The following PACRGL variants were observed in gnomAD, a reference collection of about 807,000 sequenced individuals.
PACRGL encodes the protein parkin coregulated like, also known as PACRG-like protein.
A neutral mutation model predicts 34.5 loss-of-function variants in PACRGL; 38 were observed. That is an observed-to-expected ratio of 1.10 (90% CI 0.85 to 1.44). PACRGL has a LOEUF of 1.44. Among genes scored for constraint, PACRGL ranks in the 40% most tolerant of loss-of-function variants. PACRGL has a pLI of 0.00. For synonymous variants in PACRGL, 128 were observed against 100.1 expected (o/e 1.28, Z -1.66); for missense variants, 305 against 281.4 (o/e 1.08, Z -0.60).
intron 4 of PACRGL, among the ~76,000 whole-genome samples, chr4:20,708,394 G>C (rs1472803008): frequency 1.3e-5 from 2 of 151,582 alleles, no homozygotes; most frequent in African/African-American, 2.4e-5. Flanking sequence ...TCCAGTTTTA[G>C]CCTGTTGTAG....
chr4:20,732,418 G>T lies in PACRGL; in HGVS notation c.*5077G>T, dbSNP rs151111040. Among the ~76,000 whole-genome samples, 354 of 152,282 alleles carry T rather than the reference G, an allele frequency of 2.3e-3. 8 individuals are homozygous for T. The South Asian group carries it at 0.046, about 20-fold the overall frequency. ...ATTAATGAGGATTTATAGGATTCTT[G>T]TAAAAACTGAATGAAAACAAAACTT... On this transcript the variant is annotated 3_prime_UTR_variant, in exon 9 of 9. Transcript: ENST00000503585.
downstream of PACRGL, among the ~76,000 whole-genome samples, chr4:20,736,787 GA>G (rs1432156159): frequency 3.9e-5 from 6 of 152,070 alleles, no homozygotes; most frequent in Non-Finnish European, 5.9e-5. Context: ...TAGCAAAAAT[GA>G]AAAAGACAAA....
At chr4:20,722,227 G>A (rs1489590044) in intron 7 of PACRGL, among the ~76,000 whole-genome samples, 1 of 152,238 alleles carries the variant, frequency 6.6e-6, no homozygotes, top group Non-Finnish European at 1.5e-5. Flanking sequence ...ATCTGTCACA[G>A]CTTTGCTTGG....
At chr4:20,749,598 A>G (rs1255352128) in intron 8 of PACRGL, 1 of 1,158,240 alleles carries the variant, frequency 8.6e-7, no homozygotes, top group African/African-American at 1.5e-5. Context: ...CCAAACTCAC[A>G]TTTTCCCCCT....
chr4:20,709,563 G>C, intron 4 of PACRGL, 120 bp from the exon 5 acceptor site: 1 of 604,178 alleles, frequency 1.7e-6, no homozygotes, highest in East Asian at 2.9e-5. Context: ...ATCTTATAAA[G>C]TTATGGTATT....
intron 7 of PACRGL, chr4:20,716,386 A>AACGTGCACAGTTGTAC: frequency 1.7e-6 from 1 of 576,034 alleles, no homozygotes; most frequent in Non-Finnish European, 3.0e-6. Context: ...TCTAGGGTAC[A>AACGTGCACAGTTGTAC]TGTGCACAAC....
downstream of PACRGL, among the ~76,000 whole-genome samples, chr4:20,736,460 G>C (rs1749651517): frequency 6.6e-6 from 1 of 152,024 alleles, no homozygotes. Context: ...ATTTCTGTAT[G>C]ATAATTTTAT....
At position 20,731,965 on chromosome 4, in the gene PACRGL, A is replaced by T. The variant is rs1748377291; in HGVS notation, c.*4624A>T. ...GCTGCTAATACTCAGTTTAGCTGTT[A>T]TGATAGCTGAATTGATAGTTATTAC... On this transcript the variant is annotated 3_prime_UTR_variant, in exon 9 of 9. Transcript: ENST00000503585. 6.2e-7 allele frequency: 1 copy of T among 1,610,682 alleles called. No individual in the cohort carries two copies. The highest frequency in any genetic ancestry group is 1.3e-5 in the African/African-American group (1 of 74,910).
chr4:20,718,495 G>T (rs553507302), intron 7 of PACRGL, among the ~76,000 whole-genome samples: 1 of 152,090 alleles, frequency 6.6e-6, no homozygotes, highest in Non-Finnish European at 1.5e-5. Flanking sequence ...ATTATTTTGA[G>T]ATACGTCCCA....
intron 8 of PACRGL, among the ~76,000 whole-genome samples, chr4:20,739,260 C>G (rs1297360153): frequency 1.3e-5 from 2 of 152,220 alleles, no homozygotes; most frequent in Non-Finnish European, 2.9e-5. Context: ...AGTTTGAGAT[C>G]TGAGAACAGA....
rs536942658 is a variant in PACRGL at position 20,746,937 on chromosome 4, A to G, written c.*57-5628A>G. 4.6e-5 allele frequency among the ~76,000 whole-genome samples: 7 copies of G among 152,244 alleles called. No homozygotes were observed. The South Asian group carries it at 8.3e-4, about 18-fold the overall frequency. ...ATGTGTTCATTCCCTAACCATTTCT[A>G]TTTTCTAGAGATTTCCCAGGTAGCT... On this transcript the variant is annotated intron_variant, in intron 8 of 8. Transcript: ENST00000507634.
Position 20,716,220 on chromosome 4 carries a change from AC to A in PACRGL, c.609+2682del, listed in dbSNP as rs1395258116. On this transcript the variant is annotated intron_variant, in intron 7 of 8. Coordinates refer to ENST00000503585, the MANE Select transcript of PACRGL (RefSeq NM_001258345.3). ...TGGCTGTTATGGTTTCTTACAACAC[AC>A]AAAAAATAAAGATTAAAATCAGCAA... 7 of 876,488 alleles carry A rather than the reference AC, an allele frequency of 8.0e-6. No homozygotes were observed. In the African/African-American group the frequency reaches 1.2e-4, roughly 15 times the overall value. 54.3% of individuals were successfully genotyped at this position (876,488 alleles called of 1,614,324 possible). A position where few individuals can be genotyped will look rare whatever the true frequency, so the allele number is the denominator to read the frequency against.
At position 20,704,425 on chromosome 4, in the gene PACRGL, A is replaced by C. The variant is rs1166256771; in HGVS notation, c.-16-41A>C. 5.0e-6 allele frequency: 8 copies of C among 1,591,596 alleles called. No individual in the cohort carries two copies. The African/African-American group carries it at 8.1e-5, about 16-fold the overall frequency. On this transcript the variant is annotated intron_variant, in intron 1 of 8. Coordinates refer to ENST00000503585, the MANE Select transcript of PACRGL (RefSeq NM_001258345.3). ...TTTTATTGATAACAAATGCCCCTCC[A>C]AACAAATTTTGAAATCAACTTTTTT...
intron 7 of PACRGL, among the ~76,000 whole-genome samples, chr4:20,715,174 C>CA (rs761941363): frequency 7.1e-4 from 108 of 151,956 alleles, no homozygotes; most frequent in Non-Finnish European, 1.1e-3. Flanking sequence ...GTCACAAGGA[C>CA]AAAAAACCAA....
At chr4:20,708,351 A>G (rs563881161) in intron 4 of PACRGL, among the ~76,000 whole-genome samples, 1 of 152,208 alleles carries the variant, frequency 6.6e-6, no homozygotes, top group South Asian at 2.1e-4. Context: ...TTTACAATTT[A>G]TTTCTATAAA....
chr4:20,766,449 T>C, the PACRGL span, among the ~76,000 whole-genome samples: 4 of 151,986 alleles, frequency 2.6e-5, no homozygotes, highest in African/African-American at 9.7e-5. Flanking sequence ...GCCTATAATC[T>C]GAACTACCCA....
intron 8 of PACRGL, among the ~76,000 whole-genome samples, chr4:20,749,115 G>A (rs1753080929): frequency 6.8e-6 from 1 of 148,092 alleles, no homozygotes; most frequent in Admixed American, 6.8e-5. Context: ...CTGAGATTGT[G>A]CCACTGCACT....
chr4:20,728,426 T>G lies in PACRGL; in HGVS notation c.*1085T>G, dbSNP rs905985441. ...CTTTTAAAATATAATATAGACATAGTTCAGAATTTTGATGTAATAGAAGCA... is the reference window on the plus strand; with the variant it reads ...CTTTTAAAATATAATATAGACATAGGTCAGAATTTTGATGTAATAGAAGCA... On this transcript the variant is annotated 3_prime_UTR_variant, in exon 9 of 9. Coordinates refer to ENST00000503585, the MANE Select transcript of PACRGL (RefSeq NM_001258345.3). The G allele has an allele frequency of 6.6e-6, 1 of 152,188 alleles. No individual in the cohort carries two copies. The highest frequency in any genetic ancestry group is 1.5e-5 in the Non-Finnish European group (1 of 68,022). The allele number at this position is 152,188 out of a possible 1,614,324, so 9.4% of individuals were successfully genotyped here. A position where few individuals can be genotyped will look rare whatever the true frequency, so the allele number is the denominator to read the frequency against.
intron 8 of PACRGL, among the ~76,000 whole-genome samples, chr4:20,748,289 G>C (rs746700918): frequency 3.3e-5 from 5 of 151,926 alleles, no homozygotes; most frequent in Non-Finnish European, 7.4e-5. Context: ...TCCCAGGCCT[G>C]ATATACTCTG....
Sources: gnomAD v4.1 joint callset for allele counts (sites outside exome capture counted in the v4.1 genomes callset) on GRCh38, gnomAD v4.1.1 for gene constraint, MANE v1.5 for transcripts, NCBI Gene and HGNC (gene_info 2026-07-23, HGNC 2026-07-21) for gene names.